The following ITGB1 variants were observed in gnomAD, a reference collection of about 807,000 sequenced individuals.
The protein encoded by ITGB1 is integrin beta-1.
A neutral mutation model predicts 86.5 loss-of-function variants in ITGB1; 24 were observed. That is an observed-to-expected ratio of 0.28 (90% CI 0.20 to 0.39). ITGB1 has a LOEUF of 0.39. Ranked by LOEUF, ITGB1 falls within the 10% of genes least tolerant of loss-of-function variation. The pLI, the probability that ITGB1 is intolerant of heterozygous loss-of-function variation, is 1.00. For synonymous variants in ITGB1, 323 were observed against 316.8 expected (o/e 1.02, Z -0.21); for missense variants, 556 against 946.9 (o/e 0.59, Z 5.42).
chr10:32,956,544 C>T (rs1352540196), intron 1 of ITGB1, among the ~76,000 whole-genome samples: 4 of 151,896 alleles, frequency 2.6e-5, no homozygotes, highest in Admixed American at 1.3e-4. Context: ...CCTGTCTCTA[C>T]AAAAAATAAA....
At chr10:32,921,931 G>C (rs1399631966) in intron 9 of ITGB1, among the ~76,000 whole-genome samples, 1 of 151,962 alleles carries the variant, frequency 6.6e-6, no homozygotes, top group African/African-American at 2.4e-5. Context: ...GGAGGAAAAA[G>C]ATTGGAGAAA....
At chr10:32,919,412 C>T (rs2094941881) in intron 11 of ITGB1, among the ~76,000 whole-genome samples, 1 of 152,184 alleles carries the variant, frequency 6.6e-6, no homozygotes, top group Non-Finnish European at 1.5e-5. Flanking sequence ...TTTTACAACA[C>T]ATATTTATTT....
At chr10:32,921,920 G>A (rs1005629432) in intron 9 of ITGB1, among the ~76,000 whole-genome samples, 1 of 151,844 alleles carries the variant, frequency 6.6e-6, no homozygotes, top group African/African-American at 2.4e-5. Flanking sequence ...GGATATTTTG[G>A]GGAGGAAAAA....
intron 1 of ITGB1, among the ~76,000 whole-genome samples, chr10:32,949,606 G>T (rs578180883): frequency 6.6e-6 from 1 of 152,092 alleles, no homozygotes; most frequent in Admixed American, 6.6e-5. Flanking sequence ...TATCTAAGGG[G>T]TCATAATTCA....
At chr10:32,921,493 T>C (rs748051963) in intron 9 of ITGB1, among the ~76,000 whole-genome samples, 1 of 151,956 alleles carries the variant, frequency 6.6e-6, no homozygotes, top group Non-Finnish European at 1.5e-5. Flanking sequence ...GAAGTAAAAA[T>C]GTCTAAAATT....
chr10:32,944,564 G>T, intron 1 of ITGB1: 1 of 487,636 alleles, frequency 2.1e-6, no homozygotes, highest in South Asian at 1.7e-5. Flanking sequence ...CGCTTTCATT[G>T]ACCAAAGGAA....
At chr10:32,916,848 G>T (rs941411047) in intron 11 of ITGB1, among the ~76,000 whole-genome samples, 5 of 152,106 alleles carry the variant, frequency 3.3e-5, no homozygotes, top group Admixed American at 2.6e-4. Flanking sequence ...CTACTTTAAA[G>T]TTCATATGGA....
intron 6 of ITGB1, among the ~76,000 whole-genome samples, chr10:32,924,004 T>C (rs185558343): frequency 2.6e-5 from 4 of 152,174 alleles, no homozygotes; most frequent in African/African-American, 9.7e-5. Context: ...TTTTTTGTTT[T>C]GTTTGGTTTG....
At chr10:32,918,499 G>A (rs141617426) in intron 11 of ITGB1, among the ~76,000 whole-genome samples, 1 of 152,214 alleles carries the variant, frequency 6.6e-6, no homozygotes, top group Non-Finnish European at 1.5e-5. Context: ...GTAGTAAAGT[G>A]TACACACATG....
intron 1 of ITGB1, among the ~76,000 whole-genome samples, chr10:32,942,241 C>T (rs1476561046): frequency 6.6e-6 from 1 of 152,050 alleles, no homozygotes; most frequent in Non-Finnish European, 1.5e-5. Flanking sequence ...TAAGGCAGAG[C>T]AGGAGGTGAG....
chr10:32,910,977 G>A (rs1324048669), intron 13 of ITGB1, among the ~76,000 whole-genome samples: 1 of 152,150 alleles, frequency 6.6e-6, no homozygotes, highest in African/African-American at 2.4e-5. Flanking sequence ...GACCTTAAGT[G>A]ATCCACCTGT....
chr10:32,941,705 C>A (rs1319362093), intron 1 of ITGB1, among the ~76,000 whole-genome samples: 1 of 152,100 alleles, frequency 6.6e-6, no homozygotes, highest in African/African-American at 2.4e-5. Context: ...TGCAAAGGTT[C>A]AAGTGAGAGG....
rs898998183 is a variant in ITGB1 at position 32,932,566 on chromosome 10, T to A, written c.102A>T (p.Ser34=). The A allele has an allele frequency of 1.2e-6, 2 of 1,609,848 alleles. No homozygotes were observed. The highest frequency in any genetic ancestry group is 2.7e-5 in the African/African-American group (2 of 74,816). Residue 34 remains serine, a synonymous_variant, in exon 3 of 16, where the codon TCA becomes TCT. Transcript: ENST00000302278. The part of the protein sequence containing the change: ...ENRCLKANAK[S]CGECIQAGPN... ...GCCCTGCTTGTATACATTCTCCACA[T>A]GATTTGGCATTTGCTTTTAAACATC...
chr10:32,932,134 C>T (rs1447129934), intron 3 of ITGB1, among the ~76,000 whole-genome samples: 3 of 151,600 alleles, frequency 2.0e-5, no homozygotes, highest in Admixed American at 6.6e-5. Flanking sequence ...CTAATATGTG[C>T]CACAAAGATG....
chr10:32,922,974 T>C (rs2094954737), intron 7 of ITGB1, among the ~76,000 whole-genome samples: 1 of 152,216 alleles, frequency 6.6e-6, no homozygotes. Flanking sequence ...GTGAGTCGTG[T>C]GTATACATGA....
chr10:32,928,731 ATTAT>A (rs961258483), intron 4 of ITGB1, among the ~76,000 whole-genome samples: 19 of 151,438 alleles, frequency 1.3e-4, no homozygotes, highest in African/African-American at 2.7e-4. Flanking sequence ...TTTAAAAATA[ATTAT>A]TTATTTATTA....
rs2094963130 is a variant in ITGB1, at chr10:32,925,961, A to G, written c.696T>C (p.Phe232=). Residue 232 remains phenylalanine, a synonymous_variant, in exon 6 of 16, where the codon TTT becomes TTC. Transcript: ENST00000302278. ...TGCGCTGTTTTCCAACAAGTTCATT[A>G]AATACTTCTCCTTTATTAGTAAGAC... The part of the protein sequence containing the change: ...VLSLTNKGEV[F]NELVGKQRIS... 6.2e-7 allele frequency: 1 copy of G among 1,613,980 alleles called. No individual in the cohort carries two copies. Among genetic ancestry groups the G allele is most frequent in the Admixed American group, 1.7e-5 (1 of 60,008 alleles).
intron 2 of ITGB1, 33 bp downstream of exon 2, chr10:32,935,459 G>A: frequency 6.9e-7 from 1 of 1,442,550 alleles, no homozygotes; most frequent in Non-Finnish European, 9.8e-7. Context: ...ATACGGAAAT[G>A]AAAAGACAAC....
intron 2 of ITGB1, 173 bp from the exon 3 acceptor site, chr10:32,932,773 T>C (rs2503999): frequency 0.53 from 271,010 of 513,004 alleles, 77,145 homozygotes; most frequent in Non-Finnish European, 0.61. Flanking sequence ...AATTTAATTT[T>C]TAATTTTTGT....
Sources: gnomAD v4.1 joint callset for allele counts (sites outside exome capture counted in the v4.1 genomes callset) on GRCh38, gnomAD v4.1.1 for gene constraint, MANE v1.5 for transcripts, NCBI Gene and HGNC (gene_info 2026-07-23, HGNC 2026-07-21) for gene names.